Variants in AGPAT5 observed in about 807,000 individuals in gnomAD.
The protein encoded by AGPAT5 is 1-acyl-sn-glycerol-3-phosphate acyltransferase epsilon.
In AGPAT5, 46 loss-of-function variants were observed where a neutral mutation model predicts 45.6. The ratio of observed to expected loss-of-function variants is 1.01; its 90% CI spans 0.80 to 1.29. The LOEUF (loss-of-function observed/expected upper bound fraction) is 1.29, where lower values mean the gene tolerates loss of function less well. Ranked by LOEUF, AGPAT5 falls within the 50% of genes most tolerant of loss-of-function variation. The pLI is 0.00. For synonymous variants in AGPAT5, 272 were observed against 167.0 expected, an observed-to-expected ratio of 1.63 and a Z score of -4.85; for missense variants, 673 against 450.7, an observed-to-expected ratio of 1.49 and a Z score of -4.47.
intron 1 of AGPAT5, among the ~76,000 whole-genome samples, chr8:6,717,603 TAAAGG>T (rs1161625833): frequency 3.3e-5 from 5 of 152,100 alleles, no homozygotes; most frequent in Non-Finnish European, 7.4e-5. Flanking sequence ...ACTGAGGAAA[TAAAGG>T]AGGAATACAA....
chr8:6,756,487 G>T (rs548052424), intron 7 of AGPAT5, among the ~76,000 whole-genome samples: 10 of 151,874 alleles, frequency 6.6e-5, no homozygotes, highest in Non-Finnish European at 1.2e-4. Flanking sequence ...TTAGCCAGGC[G>T]TGCACCTGTA....
chr8:6,709,806 C>T (rs914258987), intron 1 of AGPAT5, among the ~76,000 whole-genome samples: 1 of 152,026 alleles, frequency 6.6e-6, no homozygotes, highest in African/African-American at 2.4e-5. Context: ...GCTGATCGAC[C>T]CTTGATGGCC....
chr8:6,708,660 G>C lies in AGPAT5; in HGVS notation c.-9G>C, dbSNP rs753633237. 5 of 1,555,206 alleles carry C rather than the reference G, an allele frequency of 3.2e-6. No individual in the cohort carries two copies. Among genetic ancestry groups the C allele is most frequent in the Non-Finnish European group, 4.3e-6 (5 of 1,157,796 alleles). ...CGCAGGCGGAGCTCGCTGCCGCCGAGCTGAGAAGATGCTGCTGTCCCTGGT... is the reference window on the plus strand; with the variant it reads ...CGCAGGCGGAGCTCGCTGCCGCCGACCTGAGAAGATGCTGCTGTCCCTGGT... On this transcript the variant is annotated 5_prime_UTR_variant, in exon 1 of 8. Coordinates refer to ENST00000285518, the MANE Select transcript of AGPAT5 (RefSeq NM_018361.5).
At chr8:6,736,518 G>C (rs151114934) in intron 4 of AGPAT5, among the ~76,000 whole-genome samples, 254 of 152,330 alleles carry the variant, frequency 1.7e-3, no homozygotes, top group Non-Finnish European at 2.7e-3. Context: ...TGAGTCACTT[G>C]TTTTCTGCTG....
chr8:6,738,504 A>G (rs1309975784), intron 4 of AGPAT5: 1 of 152,220 alleles, frequency 6.6e-6, no homozygotes, highest in African/African-American at 2.4e-5. Flanking sequence ...CAGATATAAT[A>G]ATATGAAATA....
intron 2 of AGPAT5, among the ~76,000 whole-genome samples, chr8:6,725,306 C>G (rs1800649364): frequency 6.6e-6 from 1 of 152,172 alleles, no homozygotes; most frequent in Non-Finnish European, 1.5e-5. Context: ...GATTGCTAAG[C>G]TGCAGAAAAG....
In AGPAT5 at chr8:6,741,655, C is replaced by G; in HGVS notation, c.496-6C>G. 6.3e-7 allele frequency: 1 copy of G among 1,588,778 alleles called. No homozygotes were observed. Among genetic ancestry groups the G allele is most frequent in the South Asian group, 1.2e-5 (1 of 85,880 alleles). On this transcript the variant is annotated splice_region_variant and splice_polypyrimidine_tract_variant and intron_variant, in intron 4 of 7. Transcript: ENST00000285518. ...AAATAAACCAAATTTGCTCTATGTC[C>G]CACAGATGTATCTTGTGATTTTTCC...
At chr8:6,720,012 G>T (rs538816996) in intron 1 of AGPAT5, among the ~76,000 whole-genome samples, 4 of 152,164 alleles carry the variant, frequency 2.6e-5, no homozygotes, top group Non-Finnish European at 5.9e-5. Context: ...ACCCATGATT[G>T]GATTGTCCTG....
Position 6,755,148 on chromosome 8 carries a change from G to T in AGPAT5, c.843G>T (p.Leu281=), listed in dbSNP as rs377449323. Residue 281 remains leucine, a synonymous_variant, in exon 7 of 8, where the codon CTG becomes CTT. Transcript: ENST00000285518. ...AACAAGAACATATGAGAAGATGGCT[G>T]CATGAACGTTTCGAAATCAAAGATA... The part of the protein sequence containing the change: ...PEEQEHMRRW[L]HERFEIKDKM... The T allele has an allele frequency of 8.1e-6, 13 of 1,602,790 alleles. No individual in the cohort carries two copies. In the African/African-American group the frequency reaches 1.2e-4, roughly 15 times the overall value.
rs1801794791 is a variant in AGPAT5 at position 6,755,190 on chromosome 8, TC to T, written c.869+18del. On this transcript the variant is annotated intron_variant, in intron 7 of 7. Coordinates refer to ENST00000285518, the MANE Select transcript of AGPAT5 (RefSeq NM_018361.5). ...TCAAAGATAAGTGAGTAACAACAGT[TC>T]CAGCACTTCCGGAACTTCGGTTCAA... 1 of 1,588,550 alleles carries T rather than the reference TC, an allele frequency of 6.3e-7. No homozygotes were observed. Among genetic ancestry groups the T allele is most frequent in the Admixed American group, 2.0e-5 (1 of 50,542 alleles).
Position 6,761,399 on chromosome 8 carries a change from C to T in AGPAT5, c.*4011C>T, listed in dbSNP as rs960576099. On this transcript the variant is annotated 3_prime_UTR_variant, in exon 8 of 8. Coordinates refer to ENST00000285518, the MANE Select transcript of AGPAT5 (RefSeq NM_018361.5). The stretch of plus-strand genomic sequence containing the variant: ...AGCAGGCAAGAATACTTGACTAACT[C>T]TTTTTGTCTCTTTATGGTATTTTCA... Among the ~76,000 whole-genome samples the T allele has an allele frequency of 6.6e-6, 1 of 152,100 alleles. No individual in the cohort carries two copies. The highest frequency in any genetic ancestry group is 1.5e-5 in the Non-Finnish European group (1 of 68,018).
At chr8:6,711,991 C>A (rs1241540189) in intron 1 of AGPAT5, among the ~76,000 whole-genome samples, 2 of 152,194 alleles carry the variant, frequency 1.3e-5, no homozygotes, top group Non-Finnish European at 1.5e-5. Flanking sequence ...TTCACAGGTT[C>A]CAGGGCTTAG....
chr8:6,732,382 A>G (rs1474061061), intron 3 of AGPAT5, among the ~76,000 whole-genome samples, 179 bp from the exon 4 acceptor site: 1 of 152,252 alleles, frequency 6.6e-6, no homozygotes, highest in Non-Finnish European at 1.5e-5. Flanking sequence ...ATGTTGAGAC[A>G]AGGCAATTTT....
chr8:6,715,450 T>C (rs1213091884), intron 1 of AGPAT5, among the ~76,000 whole-genome samples: 1 of 152,182 alleles, frequency 6.6e-6, no homozygotes, highest in East Asian at 1.9e-4. Flanking sequence ...GAGGGTGGGT[T>C]AGTAACACAC....
chr8:6,757,589 G>A lies in AGPAT5; in HGVS notation c.*201G>A. 1 of 542,488 alleles carries A rather than the reference G, an allele frequency of 1.8e-6. No individual in the cohort carries two copies. The highest frequency in any genetic ancestry group is 3.3e-6 in the Non-Finnish European group (1 of 305,892). 33.6% of individuals were successfully genotyped at this position (542,488 alleles called of 1,614,324 possible). A position where few individuals can be genotyped will look rare whatever the true frequency, so the allele number is the denominator to read the frequency against. On this transcript the variant is annotated 3_prime_UTR_variant, in exon 8 of 8. Transcript: ENST00000285518. ...ACCTGGTTGTACAACTTTAGCATCG[G>A]GGCTGCTGGAAGGGTAAAAGCTAAA...
chr8:6,761,408 T>C lies in AGPAT5; in HGVS notation c.*4020T>C, dbSNP rs1204256601. 6.6e-6 allele frequency among the ~76,000 whole-genome samples: 1 copy of C among 152,250 alleles called. No individual in the cohort carries two copies. The highest frequency in any genetic ancestry group is 1.5e-5 in the Non-Finnish European group (1 of 68,036). ...GAATACTTGACTAACTCTTTTTGTC[T>C]CTTTATGGTATTTTCAGAATAAAGT... On this transcript the variant is annotated 3_prime_UTR_variant, in exon 8 of 8. Transcript: ENST00000285518.
intron 1 of AGPAT5, among the ~76,000 whole-genome samples, chr8:6,722,220 C>A (rs1238218246): frequency 6.6e-6 from 1 of 152,118 alleles, no homozygotes; most frequent in Admixed American, 6.5e-5. Flanking sequence ...CACCTTTCCA[C>A]AGGGAAATTT....
chr8:6,755,144 G>T lies in AGPAT5; in HGVS notation c.839G>T (p.Trp280Leu). 6.2e-7 allele frequency: 1 copy of T among 1,607,050 alleles called. No homozygotes were observed. Among genetic ancestry groups the T allele is most frequent in the Non-Finnish European group, 8.5e-7 (1 of 1,178,788 alleles). ...GAAGAACAAGAACATATGAGAAGAT[G>T]GCTGCATGAACGTTTCGAAATCAAA... Reference protein sequence around the residue: ...VPEEQEHMRRWLHERFEIKDK... With the variant: ...VPEEQEHMRRLLHERFEIKDK... The change falls in exon 7 of 8, where the codon TGG becomes TTG. Residue 280 changes from tryptophan (W) to leucine (L), a missense_variant. By Grantham distance (61) the Trp-to-Leu change is moderately conservative (BLOSUM62 -2). Coordinates refer to ENST00000285518, the MANE Select transcript of AGPAT5 (RefSeq NM_018361.5).
Position 6,741,780 on chromosome 8 carries a change from A to G in AGPAT5, c.586+29A>G, listed in dbSNP as rs1801253210. ...AGTAAAAATTTGAGTGTTTGAACAAATAATTTTCAAAGATAATAACATTTT... is the reference window on the plus strand; with the variant it reads ...AGTAAAAATTTGAGTGTTTGAACAAGTAATTTTCAAAGATAATAACATTTT... On this transcript the variant is annotated intron_variant, in intron 5 of 7. Transcript: ENST00000285518. The G allele has an allele frequency of 2.0e-6, 3 of 1,507,776 alleles. No individual in the cohort carries two copies. In the African/African-American group the frequency reaches 4.2e-5, roughly 21 times the overall value. 93.4% of individuals were successfully genotyped at this position (1,507,776 alleles called of 1,614,324 possible). A position where few individuals can be genotyped will look rare whatever the true frequency, so the allele number is the denominator to read the frequency against.
Sources: allele counts gnomAD v4.1 joint callset (sites outside exome capture counted in the v4.1 genomes callset), GRCh38; gene constraint gnomAD v4.1.1; transcripts MANE v1.5; gene names NCBI Gene and HGNC (gene_info 2026-07-23, HGNC 2026-07-21).